CLIP4: variants seen among roughly 807,000 people sequenced by gnomAD.
CLIP4 encodes the protein CAP-Gly domain-containing linker protein 4.
CLIP4 carries 47 observed loss-of-function variants against 73.1 expected under a neutral mutation model. The ratio of observed to expected loss-of-function variants is 0.64; its 90% CI spans 0.51 to 0.82. The LOEUF is 0.82. CLIP4 is among the 40% of genes least tolerant of loss of function. CLIP4 has a pLI of 0.00. For synonymous variants in CLIP4, 306 were observed against 295.4 expected (o/e 1.04, Z -0.37); for missense variants, 874 against 852.9 (o/e 1.02, Z -0.31).
Position 29,156,359 on chromosome 2 carries a change from A to G in CLIP4, c.1171A>G (p.Met391Val), listed in dbSNP as rs778077322. 2.5e-6 allele frequency: 4 copies of G among 1,569,740 alleles called. No individual in the cohort carries two copies. The South Asian group carries it at 4.8e-5, about 19-fold the overall frequency. ...GTTTTATTTTTGTGTCCAAGGATTA[A>G]TGACATCAAAAAAAGATAGTGCTTC... The part of the protein sequence containing the change: ...HVTSKVNTGL[M>V]TSKKDSASES... Residue 391 changes from methionine to valine, a missense_variant, in exon 10 of 16, where the codon ATG (methionine) becomes GTG (valine). Coordinates refer to ENST00000320081, the MANE Select transcript of CLIP4 (RefSeq NM_024692.6).
chr2:29,112,097 T>C (rs1327988284), upstream of CLIP4, among the ~76,000 whole-genome samples: 1 of 152,252 alleles, frequency 6.6e-6, no homozygotes, highest in Non-Finnish European at 1.5e-5. Flanking sequence ...GGTCTGCTCC[T>C]GAGTTCTTCA....
intron 14 of CLIP4, chr2:29,168,000 A>G (rs1023822156): frequency 1.3e-5 from 2 of 152,234 alleles, no homozygotes; most frequent in African/African-American, 2.4e-5. Flanking sequence ...TGCACACTTG[A>G]GGAAGTTTCT....
At chr2:29,181,537 C>G in intron 15 of CLIP4, 35 bp from the exon 16 acceptor site, 6 of 1,518,732 alleles carry the variant, frequency 4.0e-6, no homozygotes, top group Non-Finnish European at 5.3e-6. Flanking sequence ...GGCTTCAGCA[C>G]TAAATAATTT....
intron 13 of CLIP4, among the ~76,000 whole-genome samples, chr2:29,167,057 T>C (rs1358663135): frequency 6.6e-6 from 1 of 152,216 alleles, no homozygotes; most frequent in Non-Finnish European, 1.5e-5. Flanking sequence ...CCATATAGTT[T>C]TACCAGAAAA....
intron 2 of CLIP4, among the ~76,000 whole-genome samples, chr2:29,126,429 TTTC>T (rs1008033731): frequency 2.0e-5 from 3 of 152,216 alleles, no homozygotes; most frequent in African/African-American, 7.2e-5. Flanking sequence ...TATCCCTTTG[TTTC>T]TTCTTCTATA....
chr2:29,155,337 A>C (rs1302858502), intron 9 of CLIP4, among the ~76,000 whole-genome samples: 1 of 152,156 alleles, frequency 6.6e-6, no homozygotes, highest in East Asian at 1.9e-4. Flanking sequence ...TCTTGAAACA[A>C]ATGAAAAGAA....
intron 1 of CLIP4, among the ~76,000 whole-genome samples, chr2:29,101,602 G>T (rs925022366): frequency 6.6e-6 from 1 of 152,042 alleles, no homozygotes; most frequent in Non-Finnish European, 1.5e-5. Context: ...CCCAGCCCAC[G>T]GACTCAAATG....
intron 8 of CLIP4, among the ~76,000 whole-genome samples, chr2:29,151,209 A>G (rs942816637): frequency 4.1e-4 from 63 of 152,312 alleles, no homozygotes; most frequent in African/African-American, 1.3e-3. Flanking sequence ...TTTAGTATAC[A>G]GATGAAACCT....
chr2:29,111,352 A>C (rs1668382135), upstream of CLIP4, among the ~76,000 whole-genome samples: 1 of 152,194 alleles, frequency 6.6e-6, no homozygotes, highest in South Asian at 2.1e-4. Context: ...CAGTGACCTC[A>C]AGCTACACTG....
chr2:29,149,743 A>G (rs895141063), intron 8 of CLIP4, among the ~76,000 whole-genome samples: 2 of 146,930 alleles, frequency 1.4e-5, no homozygotes, highest in African/African-American at 5.0e-5. Flanking sequence ...AAAAAAAAAA[A>G]GAAGAATGCA....
intron 12 of CLIP4, among the ~76,000 whole-genome samples, chr2:29,161,742 A>G (rs1428877163): frequency 6.6e-6 from 1 of 152,122 alleles, no homozygotes; most frequent in Admixed American, 6.5e-5. Context: ...GGGAATCTGA[A>G]TCTTTGAACT....
chr2:29,135,478 C>T (rs1351815254), intron 5 of CLIP4, 70 bp from the exon 6 acceptor site: 1 of 1,147,188 alleles, frequency 8.7e-7, no homozygotes, highest in Non-Finnish European at 1.3e-6. Flanking sequence ...TCCCAAAGCC[C>T]TGTCTTCTTT....
chr2:29,181,779 A>G lies in CLIP4; in HGVS notation c.2004A>G (p.Ser668=), dbSNP rs769826387. The stretch of plus-strand genomic sequence containing the variant: ...GCGCCAAGGGAAAAAATGATGGGTC[A>G]GTGGGTGACAAGCGCTATTTCACCT... ...LRSAKGKNDG[S]VGDKRYFTCK... Residue 668 remains serine (S), a synonymous_variant, in exon 16 of 16, where the codon TCA becomes TCG. Transcript: ENST00000320081. 6.2e-7 allele frequency: 1 copy of G among 1,614,098 alleles called. No individual in the cohort carries two copies. Among genetic ancestry groups the G allele is most frequent in the African/African-American group, 1.3e-5 (1 of 74,938 alleles).
chr2:29,104,047 A>G (rs1447501583), intron 1 of CLIP4, among the ~76,000 whole-genome samples: 1 of 151,502 alleles, frequency 6.6e-6, no homozygotes, highest in Non-Finnish European at 1.5e-5. Context: ...CATCCCAGGA[A>G]CTCCCTCAGT....
chr2:29,157,148 G>A (rs1666977831), intron 10 of CLIP4, 56 bp from the exon 11 acceptor site: 2 of 1,496,522 alleles, frequency 1.3e-6, no homozygotes, highest in Non-Finnish European at 1.9e-6. Flanking sequence ...TTGACAAGCT[G>A]CTTCTTGGTC....
intron 6 of CLIP4, among the ~76,000 whole-genome samples, chr2:29,139,446 T>C (rs1665606167): frequency 6.6e-6 from 1 of 152,174 alleles, no homozygotes; most frequent in Non-Finnish European, 1.5e-5. Context: ...TAGTTTTCTT[T>C]TTTGTTGTGT....
rs1667690766 is a variant in CLIP4, at chr2:29,167,391, A to G, written c.1659-85A>G. The G allele has an allele frequency of 2.1e-5, 17 of 823,916 alleles. No homozygotes were observed. The East Asian group carries it at 2.5e-4, about 12-fold the overall frequency. The allele number at this position is 823,916 out of a possible 1,614,324, so 51.0% of individuals were successfully genotyped here. On this transcript the variant is annotated intron_variant, in intron 13 of 15. Coordinates refer to ENST00000320081, the MANE Select transcript of CLIP4 (RefSeq NM_024692.6). ...AATATTTGTCTGATGAATGACTACAATTGGTGTGAAAAACTTAGTTGATAA... is the reference window on the plus strand; with the variant it reads ...AATATTTGTCTGATGAATGACTACAGTTGGTGTGAAAAACTTAGTTGATAA...
In CLIP4 at chr2:29,181,778, C is replaced by T. The variant is rs1019852359; in HGVS notation, c.2003C>T (p.Ser668Leu). 1.2e-6 allele frequency: 2 copies of T among 1,614,040 alleles called. No homozygotes were observed. The highest frequency in any genetic ancestry group is 2.2e-5 in the East Asian group (1 of 44,894). ...LRSAKGKNDG[S>L]VGDKRYFTCK... ...AGCGCCAAGGGAAAAAATGATGGGT[C>T]AGTGGGTGACAAGCGCTATTTCACC... The change falls in exon 16 of 16, where the codon TCA becomes TTA. Residue 668 changes from serine to leucine, a missense_variant. Transcript: ENST00000320081.
At chr2:29,151,624 T>C (rs1281443587) in intron 8 of CLIP4, among the ~76,000 whole-genome samples, 1 of 152,172 alleles carries the variant, frequency 6.6e-6, no homozygotes, top group African/African-American at 2.4e-5. Context: ...TGGTACTTTT[T>C]AGTTATTAAC....
Sources: gnomAD v4.1 joint callset for allele counts (sites outside exome capture counted in the v4.1 genomes callset) on GRCh38, gnomAD v4.1.1 for gene constraint, MANE v1.5 for transcripts, NCBI Gene and HGNC (gene_info 2026-07-23, HGNC 2026-07-21) for gene names.